Variants in ZNF212 observed in about 807,000 individuals in gnomAD.
The protein encoded by ZNF212 is Zinc finger protein C2H2-150.
In ZNF212, 32 loss-of-function variants were observed where a neutral mutation model predicts 47.3. The ratio of observed to expected loss-of-function variants is 0.68; its 90% CI spans 0.51 to 0.91. The LOEUF is 0.91. Among genes scored for constraint, ZNF212 ranks in the 40% least tolerant of loss-of-function variants. ZNF212 has a pLI of 0.00. For missense variants in ZNF212, 555 were observed against 622.8 expected (o/e 0.89, Z 1.16); for synonymous variants, 242 against 253.8 (o/e 0.95, Z 0.44).
rs763208004 is a variant in ZNF212 at position 149,250,426 on chromosome 7, G to C, written c.292G>C (p.Gly98Arg). The C allele has an allele frequency of 6.2e-7, 1 of 1,614,176 alleles. No individual in the cohort carries two copies. The highest frequency in any genetic ancestry group is 8.5e-7 in the Non-Finnish European group (1 of 1,180,032). Residue 98 changes from glycine (G) to arginine (R), a missense_variant, in exon 2 of 5, where the codon GGG becomes CGG. Coordinates refer to ENST00000335870, the MANE Select transcript of ZNF212 (RefSeq NM_012256.4). The part of the protein sequence containing the change: ...NQLEGKWAVL[G>R]TLLQEYGLLQ... The stretch of plus-strand genomic sequence containing the variant: ...GCTGGAGGGCAAGTGGGCCGTGCTG[G>C]GGACCCTGCTGCAGGAGTATGGGCT...
chr7:149,244,049 C>T (rs1240521595), intron 1 of ZNF212, among the ~76,000 whole-genome samples: 1 of 152,188 alleles, frequency 6.6e-6, no homozygotes, highest in Admixed American at 6.5e-5. Context: ...GATTCTTCTG[C>T]CTCAGCCTCC....
At chr7:149,247,669 G>A (rs1796696773) in intron 1 of ZNF212, among the ~76,000 whole-genome samples, 1 of 152,116 alleles carries the variant, frequency 6.6e-6, no homozygotes, top group Non-Finnish European at 1.5e-5. Context: ...TCACAGTTCT[G>A]GAGGTTAGGA....
At chr7:149,251,068 T>TTC (rs1563189120) in intron 3 of ZNF212, 109 of 328,622 alleles carry the variant, frequency 3.3e-4, no homozygotes, top group Middle Eastern at 1.0e-3. Flanking sequence ...TTTTTTTTTT[T>TTC]CCTGTGGTCA....
chr7:149,254,207 T>A lies in ZNF212; in HGVS notation c.1280T>A (p.Leu427His). Residue 427 changes from leucine (L) to histidine (H), a missense_variant, in exon 5 of 5, where the codon CTC becomes CAC. By Grantham distance (99) the Leu-to-His change is moderately conservative. Transcript: ENST00000335870. The surrounding 1 kb of genome is among the most constrained non-coding windows in gnomAD (Gnocchi z 4.5). ...CCTTGGAGGAAAAGCCGGAGTTCCCTCATCTGTGGTTACTGTGGCAAGAGC... is the reference window on the plus strand; with the variant it reads ...CCTTGGAGGAAAAGCCGGAGTTCCCACATCTGTGGTTACTGTGGCAAGAGC... ...HIPWRKSRSS[L>H]ICGYCGKSFS... The A allele has an allele frequency of 6.2e-7, 1 of 1,614,234 alleles. No homozygotes were observed. The highest frequency in any genetic ancestry group is 8.5e-7 in the Non-Finnish European group (1 of 1,180,036).
At chr7:149,241,701 A>G (rs1796591530) in intron 1 of ZNF212, among the ~76,000 whole-genome samples, 1 of 152,230 alleles carries the variant, frequency 6.6e-6, no homozygotes, top group Admixed American at 6.5e-5. Context: ...GAAACTCGAA[A>G]GTGATAGAGT....
Position 149,251,557 on chromosome 7 carries a change from G to A in ZNF212, c.541+750G>A, listed in dbSNP as rs190353976. Among the ~76,000 whole-genome samples, 393 of 137,182 alleles carry A rather than the reference G, an allele frequency of 2.9e-3. 1 individual carries two copies. The highest frequency in any genetic ancestry group is 4.4e-3 in the Non-Finnish European group (291 of 66,090). 90.0% of individuals were successfully genotyped at this position (137,182 alleles called of 152,430 possible). A position where few individuals can be genotyped will look rare whatever the true frequency, so the allele number is the denominator to read the frequency against. ...GGCTGGAGTGCAGTGGTACGATCTC[G>A]GCTCACTGCAGCCTTGACAGCTTGG... On this transcript the variant is annotated intron_variant, in intron 3 of 4. Coordinates refer to ENST00000335870, the MANE Select transcript of ZNF212 (RefSeq NM_012256.4).
chr7:149,254,682 G>A lies in ZNF212; in HGVS notation c.*267G>A. The A allele has an allele frequency of 2.2e-6, 1 of 464,412 alleles. No individual in the cohort carries two copies. Among genetic ancestry groups the A allele is most frequent in the South Asian group, 3.6e-5 (1 of 27,424 alleles). The allele number at this position is 464,412 out of a possible 1,614,324, so 28.8% of individuals were successfully genotyped here. ...TCATTCATGCCAATGCTTGTGGGCT[G>A]GGGTTGGCGTTCTGACCCCACAGGG... On this transcript the variant is annotated 3_prime_UTR_variant, in exon 5 of 5. Coordinates refer to ENST00000335870, the MANE Select transcript of ZNF212 (RefSeq NM_012256.4). The surrounding 1 kb of genome is among the most constrained non-coding windows in gnomAD (Gnocchi z 4.5).
At chr7:149,250,887 C>T in intron 3 of ZNF212, 80 bp downstream of exon 3, 3 of 1,561,122 alleles carry the variant, frequency 1.9e-6, no homozygotes, top group Non-Finnish European at 2.6e-6. Flanking sequence ...TCAGACCACA[C>T]CTGTGGCTCC....
intron 1 of ZNF212, among the ~76,000 whole-genome samples, chr7:149,245,448 C>G (rs60790576): frequency 0.016 from 2,457 of 151,830 alleles, 76 homozygotes; most frequent in African/African-American, 0.057. Flanking sequence ...TGGGGTGACT[C>G]ATGCCTGTAA....
Position 149,255,509 on chromosome 7 carries a change from G to T in ZNF212, c.*1094G>T, listed in dbSNP as rs1802872. The T allele has an allele frequency of 6.5e-6, 1 of 153,740 alleles. No individual in the cohort carries two copies. The highest frequency in any genetic ancestry group is 2.4e-5 in the African/African-American group (1 of 41,426). 9.5% of individuals were successfully genotyped at this position (153,740 alleles called of 1,614,324 possible). A position where few individuals can be genotyped will look rare whatever the true frequency, so the allele number is the denominator to read the frequency against. On this transcript the variant is annotated 3_prime_UTR_variant, in exon 5 of 5. Coordinates refer to ENST00000335870, the MANE Select transcript of ZNF212 (RefSeq NM_012256.4). ...AATGTGTGCCCCGCTGCTGTCTGGG[G>T]GGATGGGAGTGGGCTCTGGGGTCAT...
At chr7:149,244,519 T>C (rs1473374371) in intron 1 of ZNF212, among the ~76,000 whole-genome samples, 2 of 151,976 alleles carry the variant, frequency 1.3e-5, no homozygotes, top group Non-Finnish European at 2.9e-5. Context: ...TTCACCATGT[T>C]AGCCAGGATG....
intron 1 of ZNF212, among the ~76,000 whole-genome samples, chr7:149,241,431 C>CAA (rs35747561): frequency 0.063 from 4,809 of 76,350 alleles, 310 homozygotes; most frequent in East Asian, 0.23. Context: ...GACTCTGTCT[C>CAA]AAAAAAAAAA....
Position 149,254,150 on chromosome 7 carries a change from C to A in ZNF212, c.1223C>A (p.Pro408His), listed in dbSNP as rs1273114629. The change falls in exon 5 of 5, where the codon CCC becomes CAC. Residue 408 changes from proline to histidine, a missense_variant. Physicochemically the swap from Pro to His is moderately conservative, Grantham distance 77. Coordinates refer to ENST00000335870, the MANE Select transcript of ZNF212 (RefSeq NM_012256.4). This position sits in a 1 kb window ranked among gnomAD's most constrained non-coding sequence, Gnocchi z 4.5. ...AGQHVQERFS[P>H]NSLVALPGHI... The stretch of plus-strand genomic sequence containing the variant: ...CAGCATGTCCAAGAGAGGTTCTCAC[C>A]CAACAGCCTGGTTGCCCTGCCTGGC... 6.2e-7 allele frequency: 1 copy of A among 1,614,072 alleles called. No homozygotes were observed. The highest frequency in any genetic ancestry group is 1.7e-5 in the Admixed American group (1 of 59,996).
intron 3 of ZNF212, among the ~76,000 whole-genome samples, chr7:149,252,032 G>A (rs967878898): frequency 6.6e-6 from 1 of 151,572 alleles, no homozygotes; most frequent in South Asian, 2.1e-4. Context: ...GCATTTTCTT[G>A]GTGTTTGGCC....
intron 1 of ZNF212, 148 bp downstream of exon 1, chr7:149,239,950 G>A: frequency 2.2e-6 from 2 of 921,716 alleles, no homozygotes; most frequent in Non-Finnish European, 2.9e-6. Flanking sequence ...CCTCCTCTTC[G>A]CGACCCCAGT....
intron 1 of ZNF212, among the ~76,000 whole-genome samples, chr7:149,241,955 C>T (rs1181705425): frequency 1.3e-5 from 2 of 151,690 alleles, no homozygotes; most frequent in African/African-American, 2.4e-5. Context: ...AGATTACAGG[C>T]GTGAGCCACC....
At chr7:149,251,705 G>A (rs1265230084) in intron 3 of ZNF212, among the ~76,000 whole-genome samples, 2 of 151,716 alleles carry the variant, frequency 1.3e-5, no homozygotes, top group Non-Finnish European at 2.9e-5. Context: ...GCCCAGGCTG[G>A]TCTTGAACTT....
rs200702542 is a variant in ZNF212, at chr7:149,250,492, A to G, written c.358A>G (p.Asn120Asp). ...GGAGAACGTGGAGAACCTGCTGCGCAACAGGAACTTCTGGATCCTGCGGCT... is the reference window on the plus strand; with the variant it reads ...GGAGAACGTGGAGAACCTGCTGCGCGACAGGAACTTCTGGATCCTGCGGCT... ...RLENVENLLR[N>D]RNFWILRLPP... is the part of the protein sequence containing the mutation. The change falls in exon 2 of 5, where the codon AAC (asparagine) becomes GAC (aspartate). Residue 120 changes from asparagine to aspartate, a missense_variant. Transcript: ENST00000335870. The G allele has an allele frequency of 4.3e-6, 7 of 1,613,972 alleles. No homozygotes were observed. The East Asian group carries it at 1.1e-4, about 26-fold the overall frequency.
chr7:149,250,432 C>G lies in ZNF212; in HGVS notation c.298C>G (p.Leu100Val), dbSNP rs375839396. 8.1e-6 allele frequency: 13 copies of G among 1,614,028 alleles called. 1 individual carries two copies. In the Middle Eastern group the frequency reaches 4.9e-4, roughly 61 times the overall value. ...GGGCAAGTGGGCCGTGCTGGGGACC[C>G]TGCTGCAGGAGTATGGGCTACTGCA... The part of the protein sequence containing the change: ...LEGKWAVLGT[L>V]LQEYGLLQRR... The change falls in exon 2 of 5, where the codon CTG becomes GTG. Residue 100 changes from leucine (L) to valine (V), a missense_variant. Leu to Val is a conservative substitution (Grantham distance 32). Transcript: ENST00000335870.
Sources: allele counts gnomAD v4.1 joint callset (sites outside exome capture counted in the v4.1 genomes callset), GRCh38; gene constraint gnomAD v4.1.1; non-coding constraint Gnocchi (gnomAD v3.1); transcripts MANE v1.5; gene names NCBI Gene and HGNC (gene_info 2026-07-23, HGNC 2026-07-21).